The following SYBU variants were observed in gnomAD, a reference collection of about 807,000 sequenced individuals.
The protein encoded by SYBU is syntabulin, also known as GOLSYN A protein.
A neutral mutation model predicts 35.9 loss-of-function variants in SYBU; 21 were observed. The observed-to-expected ratio is 0.58, with a 90% CI of 0.41 to 0.84. The LOEUF (loss-of-function observed/expected upper bound fraction) is 0.84, where lower values mean the gene tolerates loss of function less well. Among genes scored for constraint, SYBU ranks in the 40% least tolerant of loss-of-function variants. SYBU has a pLI of 0.00. For missense variants in SYBU, 768 were observed against 848.2 expected (o/e 0.91, Z 1.17); for synonymous variants, 319 against 324.3 (o/e 0.98, Z 0.18).
At chr8:109,642,439 TA>T (rs1815008702) in intron 2 of SYBU, among the ~76,000 whole-genome samples, 1 of 152,142 alleles carries the variant, frequency 6.6e-6, no homozygotes. Flanking sequence ...GAAATTAAAG[TA>T]TAATAAAACA....
At chr8:109,689,230 C>T (rs552486486) in intron 1 of SYBU, among the ~76,000 whole-genome samples, 7 of 152,214 alleles carry the variant, frequency 4.6e-5, no homozygotes, top group Middle Eastern at 3.4e-3. Flanking sequence ...TCTTCCCCAA[C>T]GGTTATATCA....
intron 3 of SYBU, among the ~76,000 whole-genome samples, chr8:109,596,150 C>A (rs1017451654): frequency 6.6e-6 from 1 of 152,022 alleles, no homozygotes; most frequent in Non-Finnish European, 1.5e-5. Context: ...GAGTGCCATA[C>A]GAAACTAAGC....
At chr8:109,609,927 C>G (rs1423240474) in intron 3 of SYBU, among the ~76,000 whole-genome samples, 1 of 152,118 alleles carries the variant, frequency 6.6e-6, no homozygotes, top group Non-Finnish European at 1.5e-5. Flanking sequence ...TCATGATAAT[C>G]CAAGCTCTAC....
intron 1 of SYBU, among the ~76,000 whole-genome samples, chr8:109,679,068 A>G (rs1340319599): frequency 6.6e-6 from 1 of 152,164 alleles, no homozygotes; most frequent in Admixed American, 6.5e-5. Flanking sequence ...CAAAACCAAG[A>G]TGGCCATGAA....
intron 1 of SYBU, among the ~76,000 whole-genome samples, chr8:109,657,094 A>C (rs1816383936): frequency 6.6e-6 from 1 of 152,274 alleles, no homozygotes; most frequent in Non-Finnish European, 1.5e-5. Flanking sequence ...ATGAAAATTA[A>C]GCATCTCTTT....
upstream of SYBU, among the ~76,000 whole-genome samples, chr8:109,683,287 G>A (rs1817445621): frequency 6.6e-6 from 1 of 152,208 alleles, no homozygotes; most frequent in South Asian, 2.1e-4. Flanking sequence ...AAGCCACAGG[G>A]GCAGAGCTGC....
intron 2 of SYBU, among the ~76,000 whole-genome samples, chr8:109,629,651 T>C (rs1048651828): frequency 1.3e-5 from 2 of 152,060 alleles, no homozygotes; most frequent in African/African-American, 4.8e-5. Flanking sequence ...GTCCTTTGGG[T>C]ATATACCCAG....
At chr8:109,634,760 C>A (rs756289016) in intron 2 of SYBU, among the ~76,000 whole-genome samples, 8 of 152,172 alleles carry the variant, frequency 5.3e-5, no homozygotes, top group Non-Finnish European at 1.0e-4. Flanking sequence ...GATGGGGGCA[C>A]CTAACCTGGA....
intron 2 of SYBU, among the ~76,000 whole-genome samples, chr8:109,623,030 C>T (rs1031252428): frequency 2.9e-5 from 4 of 135,714 alleles, no homozygotes; most frequent in Non-Finnish European, 4.7e-5. Context: ...CGTGCGCGCG[C>T]GCACACACAC....
At chr8:109,675,294 C>A (rs1206052242) in intron 1 of SYBU, among the ~76,000 whole-genome samples, 1 of 152,104 alleles carries the variant, frequency 6.6e-6, no homozygotes, top group Non-Finnish European at 1.5e-5. Flanking sequence ...AAGATCAGAG[C>A]AGAACCGAAG....
intron 3 of SYBU, among the ~76,000 whole-genome samples, chr8:109,606,825 A>T (rs530786368): frequency 6.6e-6 from 1 of 152,330 alleles, no homozygotes; most frequent in Non-Finnish European, 1.5e-5. Context: ...GTTGGAAAAG[A>T]TGACATAAAA....
At chr8:109,659,513 A>G (rs1816483093) in intron 1 of SYBU, among the ~76,000 whole-genome samples, 2 of 152,208 alleles carry the variant, frequency 1.3e-5, no homozygotes, top group African/African-American at 4.8e-5. Flanking sequence ...GAAGCCCATG[A>G]TGCCATTGAC....
Position 109,575,868 on chromosome 8 carries a change from T to C in SYBU, c.1030A>G (p.Met344Val), listed in dbSNP as rs1440655303. The C allele has an allele frequency of 6.2e-7, 1 of 1,613,966 alleles. No homozygotes were observed. Among genetic ancestry groups the C allele is most frequent in the Non-Finnish European group, 8.5e-7 (1 of 1,180,030 alleles). The change falls in exon 7 of 7, where the codon ATG becomes GTG. Residue 344 changes from methionine to valine, a missense_variant. Transcript: ENST00000276646. ...TCTTTATCAGCCAAGCTGCTCCGCA[T>C]GGTTTCGATGACCTGTTTGAGCTGT... is the stretch of plus-strand genomic sequence containing the variant. ...IKQLKQVIETMRSSLADKDKG... is the reference protein window; with the variant it reads ...IKQLKQVIETVRSSLADKDKG...
In SYBU at chr8:109,580,017, T is replaced by A. The variant is rs772390470; in HGVS notation, c.531-15A>T. The A allele has an allele frequency of 1.1e-5, 18 of 1,610,664 alleles. No individual in the cohort carries two copies. Among genetic ancestry groups the A allele is most frequent in the Non-Finnish European group, 1.5e-5 (18 of 1,178,618 alleles). The stretch of plus-strand genomic sequence containing the variant: ...GAGGACCTCGACTGGGAGAAAAGAA[T>A]GAAAAATGTTAAAATTCTTGGGGCT... On this transcript the variant is annotated splice_polypyrimidine_tract_variant and intron_variant, in intron 4 of 6. Coordinates refer to ENST00000276646, the MANE Select transcript of SYBU (RefSeq NM_001099754.2).
intron 2 of SYBU, among the ~76,000 whole-genome samples, chr8:109,632,466 C>T (rs1043666368): frequency 6.6e-6 from 1 of 151,958 alleles, no homozygotes; most frequent in African/African-American, 2.4e-5. Context: ...TTCCATTTTT[C>T]TTCACAATAA....
At chr8:109,639,571 G>A (rs1369228132) in intron 2 of SYBU, among the ~76,000 whole-genome samples, 2 of 152,228 alleles carry the variant, frequency 1.3e-5, no homozygotes, top group African/African-American at 2.4e-5. Flanking sequence ...TTATAAAGAA[G>A]AGAAGCTAAT....
chr8:109,675,360 T>C lies in SYBU; in HGVS notation c.-129+5351A>G, dbSNP rs140447604. 6.2e-3 allele frequency among the ~76,000 whole-genome samples: 947 copies of C among 152,254 alleles called. 13 individuals carry two copies. The East Asian group carries it at 0.064, about 10-fold the overall frequency. ...ATCAATGAATTCCGGAGCTGGTTTT[T>C]TGAAAAGATTAACAAAATAGATAGA... On this transcript the variant is annotated intron_variant, in intron 1 of 5. Transcript: ENST00000408889.
chr8:109,665,737 T>C (rs1396630082), intron 1 of SYBU, among the ~76,000 whole-genome samples: 1 of 152,214 alleles, frequency 6.6e-6, no homozygotes, highest in Non-Finnish European at 1.5e-5. Flanking sequence ...TCTAAGAAAC[T>C]ATTTTTTAGA....
intron 1 of SYBU, among the ~76,000 whole-genome samples, chr8:109,665,795 C>T (rs569513050): frequency 6.6e-6 from 1 of 152,220 alleles, no homozygotes; most frequent in Admixed American, 6.5e-5. Flanking sequence ...TCTCTTCACA[C>T]TTCATCACAT....
Sources: gnomAD v4.1 joint callset for allele counts (sites outside exome capture counted in the v4.1 genomes callset) on GRCh38, gnomAD v4.1.1 for gene constraint, MANE v1.5 for transcripts, NCBI Gene and HGNC (gene_info 2026-07-23, HGNC 2026-07-21) for gene names.